The following AKAP6 variants were observed in gnomAD, a reference collection of about 807,000 sequenced individuals.
The protein encoded by AKAP6 is A-kinase anchor protein 6.
In AKAP6, 58 loss-of-function variants were observed where a neutral mutation model predicts 188.5. That is an observed-to-expected ratio of 0.31 (90% CI 0.25 to 0.38). The LOEUF (loss-of-function observed/expected upper bound fraction) is 0.38. Among genes scored for constraint, AKAP6 ranks in the 10% least tolerant of loss-of-function variants. The pLI is 1.00. For synonymous variants in AKAP6, 989 were observed against 998.6 expected (o/e 0.99, Z 0.18); for missense variants, 2,710 against 2,740.0 (o/e 0.99, Z 0.24).
intron 4 of AKAP6, among the ~76,000 whole-genome samples, chr14:32,548,407 A>AT (rs151264438): frequency 0.024 from 3,495 of 145,358 alleles, 135 homozygotes; most frequent in African/African-American, 0.081. Flanking sequence ...TGGCCCATAC[A>AT]TTTTTTTTTT....
chr14:32,510,466 A>ATG (rs1881190509), intron 2 of AKAP6, among the ~76,000 whole-genome samples: 1 of 130,384 alleles, frequency 7.7e-6, no homozygotes, highest in Admixed American at 7.9e-5. Flanking sequence ...ATATGTGTAT[A>ATG]TATATATATA....
intron 4 of AKAP6, among the ~76,000 whole-genome samples, chr14:32,560,956 A>G (rs1883932135): frequency 6.6e-6 from 1 of 152,202 alleles, no homozygotes. Context: ...CTCAAGAAAA[A>G]AATTCTTCCT....
intron 2 of AKAP6, among the ~76,000 whole-genome samples, chr14:32,531,296 T>C (rs1383054612): frequency 6.6e-6 from 1 of 152,214 alleles, no homozygotes; most frequent in Non-Finnish European, 1.5e-5. Flanking sequence ...CTGATTAGCT[T>C]CATTTTCCTT....
At chr14:32,689,895 G>A (rs1049826295) in intron 8 of AKAP6, among the ~76,000 whole-genome samples, 9 of 151,918 alleles carry the variant, frequency 5.9e-5, no homozygotes, top group Non-Finnish European at 1.2e-4. Context: ...TGTGAACAGC[G>A]AACACTTAGT....
At chr14:32,477,742 G>A (rs1414970904) in intron 2 of AKAP6, among the ~76,000 whole-genome samples, 2 of 152,144 alleles carry the variant, frequency 1.3e-5, no homozygotes, top group African/African-American at 4.8e-5. Context: ...CTACAGCTGA[G>A]AGGCAATTTA....
intron 2 of AKAP6, among the ~76,000 whole-genome samples, chr14:32,502,595 A>T (rs1438574045): frequency 6.6e-6 from 1 of 152,008 alleles, no homozygotes; most frequent in Non-Finnish European, 1.5e-5. Context: ...TTTGTAACCC[A>T]ACTTTGTAGG....
chr14:32,363,178 G>A (rs1047047727), intron 1 of AKAP6, among the ~76,000 whole-genome samples: 1 of 152,088 alleles, frequency 6.6e-6, no homozygotes, highest in Non-Finnish European at 1.5e-5. Context: ...TGTGCTTTGG[G>A]TGGTCAGTTA....
chr14:32,531,162 C>T (rs188426838), intron 2 of AKAP6, among the ~76,000 whole-genome samples: 37 of 152,274 alleles, frequency 2.4e-4, no homozygotes, highest in Admixed American at 3.9e-4. Context: ...GTGAATTAAA[C>T]AAAGCAATGT....
At chr14:32,358,700 C>A (rs377057395) in intron 1 of AKAP6, among the ~76,000 whole-genome samples, 14 of 151,924 alleles carry the variant, frequency 9.2e-5, no homozygotes, top group East Asian at 7.7e-4. Context: ...CTTTGGAGCT[C>A]GGGTGGTGGG....
At chr14:32,581,577 T>G (rs1335654791) in intron 5 of AKAP6, among the ~76,000 whole-genome samples, 1 of 152,172 alleles carries the variant, frequency 6.6e-6, no homozygotes, top group African/African-American at 2.4e-5. Context: ...TTGATCTGTC[T>G]AATGTTGACA....
At chr14:32,690,243 A>G (rs889856679) in intron 8 of AKAP6, among the ~76,000 whole-genome samples, 2 of 151,778 alleles carry the variant, frequency 1.3e-5, no homozygotes, top group East Asian at 3.9e-4. Context: ...AAAATTCCTT[A>G]GTGAGCCCAG....
chr14:32,647,669 GA>G, intron 7 of AKAP6, among the ~76,000 whole-genome samples: 1 of 152,082 alleles, frequency 6.6e-6, no homozygotes, highest in Non-Finnish European at 1.5e-5. Context: ...CCACAATGTT[GA>G]AATCAGACTG....
chr14:32,534,450 T>C (rs1298480502), intron 2 of AKAP6, among the ~76,000 whole-genome samples: 1 of 152,162 alleles, frequency 6.6e-6, no homozygotes, highest in Non-Finnish European at 1.5e-5. Flanking sequence ...CGATGGAAAT[T>C]TGGGAACTTG....
At chr14:32,484,239 C>T in intron 2 of AKAP6, 1 of 107,216 alleles carries the variant, frequency 9.3e-6, no homozygotes, top group Middle Eastern at 3.0e-3. Flanking sequence ...GTGATTAGGA[C>T]GGATCAGACG....
chr14:32,776,824 G>C (rs775060579), intron 12 of AKAP6, among the ~76,000 whole-genome samples: 6 of 152,150 alleles, frequency 3.9e-5, no homozygotes, highest in Non-Finnish European at 5.9e-5. Flanking sequence ...CAAGGAGACT[G>C]TCAGTCTCTA....
Position 32,583,103 on chromosome 14 carries a change from T to C in AKAP6, c.2469+5861T>C, listed in dbSNP as rs560506347. Among the ~76,000 whole-genome samples the C allele has an allele frequency of 2.0e-4, 30 of 152,320 alleles. 1 individual carries two copies. The highest frequency in any genetic ancestry group is 1.8e-3 in the Admixed American group (28 of 15,302). Reference sequence around the variant, plus strand: ...TTTCCAGTTTTTCTGCTCTGTTTTTTCCCCATCTTTGTGGTTTTATCTACT... The same window carrying C: ...TTTCCAGTTTTTCTGCTCTGTTTTTCCCCCATCTTTGTGGTTTTATCTACT... On this transcript the variant is annotated intron_variant, in intron 5 of 13. Transcript: ENST00000280979.
chr14:32,762,053 A>G (rs1278973910), intron 11 of AKAP6, among the ~76,000 whole-genome samples: 1 of 152,184 alleles, frequency 6.6e-6, no homozygotes, highest in Non-Finnish European at 1.5e-5. Context: ...CTGCTTAGGA[A>G]AAGTGTGATT....
chr14:32,339,131 G>A (rs2138408568), intron 1 of AKAP6, among the ~76,000 whole-genome samples: 1 of 152,184 alleles, frequency 6.6e-6, no homozygotes, highest in Non-Finnish European at 1.5e-5. Flanking sequence ...TTGTATAAGG[G>A]CAGAGATTTT....
intron 13 of AKAP6, among the ~76,000 whole-genome samples, chr14:32,826,616 G>C (rs2300862): frequency 0.091 from 13,909 of 152,244 alleles, 1,061 homozygotes; most frequent in East Asian, 0.35. Context: ...AGCTCCAGAA[G>C]CTCTGGCACT....
Sources: gnomAD v4.1 joint callset for allele counts (sites outside exome capture counted in the v4.1 genomes callset) on GRCh38, gnomAD v4.1.1 for gene constraint, MANE v1.5 for transcripts, NCBI Gene and HGNC (gene_info 2026-07-23, HGNC 2026-07-21) for gene names.